Variants in PTPRN2 observed in about 807,000 individuals in gnomAD.
The protein encoded by PTPRN2 is protein tyrosine phosphatase receptor type N2, also known as receptor-type tyrosine-protein phosphatase N2.
PTPRN2 carries 74 observed loss-of-function variants against 118.8 expected under a neutral mutation model. That is an observed-to-expected ratio of 0.62 (90% CI 0.52 to 0.76). PTPRN2 has a LOEUF of 0.76. Among genes scored for constraint, PTPRN2 ranks in the 30% least tolerant of loss-of-function variants. The probability of loss-of-function intolerance (pLI) is 0.00; values close to 1 mark genes in which losing one functional copy is unlikely to be tolerated. For missense variants in PTPRN2, 1,481 were observed against 1,394.4 expected (o/e 1.06, Z -0.99); for synonymous variants, 641 against 608.0 (o/e 1.05, Z -0.80).
At chr7:158,489,303 C>G (rs1362043817) in intron 2 of PTPRN2, among the ~76,000 whole-genome samples, 2 of 152,144 alleles carry the variant, frequency 1.3e-5, no homozygotes, top group East Asian at 1.9e-4. Context: ...AAAAATTAGC[C>G]GGGTGCAGTG....
At chr7:158,265,072 T>G (rs1309261162) in intron 3 of PTPRN2, among the ~76,000 whole-genome samples, 1 of 152,022 alleles carries the variant, frequency 6.6e-6, no homozygotes, top group Non-Finnish European at 1.5e-5. Flanking sequence ...ACTTTCTATC[T>G]GCTCCAGGTA....
intron 2 of PTPRN2, among the ~76,000 whole-genome samples, chr7:158,440,349 T>C (rs2129432884): frequency 6.6e-6 from 1 of 152,284 alleles, no homozygotes; most frequent in African/African-American, 2.4e-5. Flanking sequence ...ACTGGTGCAG[T>C]AGGGTTCTAG....
intron 11 of PTPRN2, among the ~76,000 whole-genome samples, chr7:158,040,495 G>T (rs868355361): frequency 1.3e-5 from 2 of 152,240 alleles, no homozygotes; most frequent in Admixed American, 1.3e-4. Flanking sequence ...AGCCAGAGAG[G>T]GGGGAAAAAC....
chr7:158,397,033 G>T (rs956550303), intron 2 of PTPRN2, among the ~76,000 whole-genome samples: 2 of 152,232 alleles, frequency 1.3e-5, no homozygotes, highest in African/African-American at 2.4e-5. Flanking sequence ...GGAGACCCAG[G>T]CCCCGCTGAA....
intron 12 of PTPRN2, among the ~76,000 whole-genome samples, chr7:157,741,487 G>T (rs1800629605): frequency 6.6e-6 from 1 of 152,142 alleles, no homozygotes; most frequent in Non-Finnish European, 1.5e-5. Context: ...TGTTCATCTT[G>T]TCTAGGATGC....
At chr7:157,843,861 G>C (rs1347725193) in intron 12 of PTPRN2, among the ~76,000 whole-genome samples, 1 of 152,204 alleles carries the variant, frequency 6.6e-6, no homozygotes, top group African/African-American at 2.4e-5. Context: ...GGAACAGGTC[G>C]GGGCTGCATG....
chr7:157,904,241 G>T (rs6963986), intron 11 of PTPRN2, among the ~76,000 whole-genome samples: 25,292 of 152,176 alleles, frequency 0.17, 2,648 homozygotes, highest in Admixed American at 0.33. Context: ...ATAGGATAAA[G>T]GTCACCAGGA....
intron 3 of PTPRN2, among the ~76,000 whole-genome samples, chr7:158,238,257 G>A (rs553416163): frequency 2.6e-4 from 40 of 152,118 alleles, no homozygotes; most frequent in Non-Finnish European, 4.3e-4. Context: ...GCTGGGCCTG[G>A]AGAGGAGCCC....
intron 21 of PTPRN2, among the ~76,000 whole-genome samples, chr7:157,551,754 A>ACCCACAGCCACCATGCAC (rs1798632153): frequency 5.1e-5 from 1 of 19,540 alleles, no homozygotes; most frequent in Non-Finnish European, 1.0e-4. Context: ...CCACCACACA[A>ACCCACAGCCACCATGCAC]CCCACAGCCA....
At chr7:158,298,280 G>T (rs184422009) in intron 3 of PTPRN2, among the ~76,000 whole-genome samples, 2 of 151,696 alleles carry the variant, frequency 1.3e-5, no homozygotes, top group African/African-American at 4.8e-5. Context: ...TGCTTTGTTC[G>T]TCCTTTTATT....
chr7:158,531,722 A>T (rs1271866731), intron 1 of PTPRN2, among the ~76,000 whole-genome samples: 1 of 152,240 alleles, frequency 6.6e-6, no homozygotes, highest in Non-Finnish European at 1.5e-5. Flanking sequence ...AGGTTAAGAA[A>T]TCTGTATCAC....
chr7:158,004,747 A>G (rs181341023), intron 11 of PTPRN2, among the ~76,000 whole-genome samples: 121 of 152,338 alleles, frequency 7.9e-4, no homozygotes, highest in Middle Eastern at 3.4e-3. Flanking sequence ...CTTCAAGCAA[A>G]TGCATGTAAA....
intron 3 of PTPRN2, among the ~76,000 whole-genome samples, chr7:158,243,490 G>A (rs1028912945): frequency 5.3e-5 from 8 of 152,226 alleles, no homozygotes; most frequent in Non-Finnish European, 7.3e-5. Context: ...ATGCTCAGTG[G>A]AGAGATGGTT....
rs547544502 is a variant in PTPRN2, at chr7:158,164,024, T to A, written c.910+2907A>T. ...TTGGAAGTCAGTTTTTATCAGAATA[T>A]CACCAGCATCGCAGGGTAGCTCAGG... On this transcript the variant is annotated intron_variant, in intron 6 of 22. Coordinates refer to ENST00000389418, the MANE Select transcript of PTPRN2 (RefSeq NM_002847.5). Among the ~76,000 whole-genome samples, 1,296 of 152,346 alleles carry A rather than the reference T, an allele frequency of 8.5e-3. 6 individuals carry two copies. The highest frequency in any genetic ancestry group is 0.014 in the Non-Finnish European group (971 of 68,034).
chr7:158,203,678 T>C (rs1225533177), intron 4 of PTPRN2, among the ~76,000 whole-genome samples: 2 of 152,118 alleles, frequency 1.3e-5, no homozygotes, highest in Non-Finnish European at 2.9e-5. Context: ...TTCTTGGCCG[T>C]CCAACCCATC....
intron 2 of PTPRN2, among the ~76,000 whole-genome samples, chr7:158,332,726 C>A (rs1483501099): frequency 6.6e-6 from 1 of 151,284 alleles, no homozygotes; most frequent in African/African-American, 2.4e-5. Context: ...CTTACACCCA[C>A]ACTCTCACCA....
chr7:158,546,185 C>A lies in PTPRN2; in HGVS notation c.112+41373G>T, dbSNP rs540205185. Among the ~76,000 whole-genome samples the A allele has an allele frequency of 1.3e-5, 2 of 152,272 alleles. No homozygotes were observed. The highest frequency in any genetic ancestry group is 2.4e-5 in the African/African-American group (1 of 41,556). ...ACAGGAAGGGGGAAGGGGCTGGACA[C>A]GGCCTGTCTCCTCCCTGAGAGGAAC... is the stretch of plus-strand genomic sequence containing the variant. On this transcript the variant is annotated intron_variant, in intron 1 of 22. Coordinates refer to ENST00000389418, the MANE Select transcript of PTPRN2 (RefSeq NM_002847.5). The surrounding 1 kb of genome is among the most constrained non-coding windows in gnomAD (Gnocchi z 5.0).
chr7:158,461,352 C>T (rs57422549), intron 2 of PTPRN2, among the ~76,000 whole-genome samples: 14,905 of 151,990 alleles, frequency 0.098, 804 homozygotes, highest in Middle Eastern at 0.12. Flanking sequence ...AAAAATTAAC[C>T]GGGCGTGGTG....
chr7:157,984,334 C>A (rs371440633), intron 11 of PTPRN2, among the ~76,000 whole-genome samples: 12 of 31,932 alleles, frequency 3.8e-4, no homozygotes, highest in Non-Finnish European at 4.3e-4. Flanking sequence ...GGCTCCACCC[C>A]ATCCCACGCC....
Sources: allele counts gnomAD v4.1 joint callset (sites outside exome capture counted in the v4.1 genomes callset), GRCh38; gene constraint gnomAD v4.1.1; non-coding constraint Gnocchi (gnomAD v3.1); transcripts MANE v1.5; gene names NCBI Gene and HGNC (gene_info 2026-07-23, HGNC 2026-07-21).